Variants in GRM6 observed in about 807,000 individuals in gnomAD.
The protein encoded by GRM6 is glutamate metabotropic receptor 6, also known as metabotropic glutamate receptor 6.
In GRM6, 73 loss-of-function variants were observed where a neutral mutation model predicts 78.4. The observed-to-expected ratio is 0.93, with a 90% CI of 0.77 to 1.13. The LOEUF (loss-of-function observed/expected upper bound fraction) is 1.13. Ranked by LOEUF, GRM6 falls within the 50% of genes most tolerant of loss-of-function variation. GRM6 has a pLI of 0.00. For synonymous variants in GRM6, 580 were observed against 555.0 expected (o/e 1.05, Z -0.63); for missense variants, 1,251 against 1,256.4 (o/e 1.00, Z 0.07).
Position 178,989,114 on chromosome 5 carries a change from T to G in GRM6, c.1175A>C (p.Asp392Ala). 6.2e-7 allele frequency: 1 copy of G among 1,613,732 alleles called. No individual in the cohort carries two copies. Among genetic ancestry groups the G allele is most frequent in the Non-Finnish European group, 8.5e-7 (1 of 1,179,912 alleles). Residue 392 changes from aspartate (D) to alanine (A), a missense_variant, in exon 7 of 11, where the codon GAC becomes GCC. Coordinates refer to ENST00000517717, the MANE Select transcript of GRM6 (RefSeq NM_000843.4). The part of the protein sequence containing the change: ...KCTGEERIGR[D>A]STYEQEGKVQ... ...CTTGCCCTCCTGCTCGTAGGTGGAG[T>G]CCCGGCCGATGCGTTCCTCGCCTGT...
intron 9 of GRM6, chr5:178,985,144 C>T (rs1270786501): frequency 7.9e-6 from 3 of 378,438 alleles, no homozygotes; most frequent in African/African-American, 2.1e-5. Flanking sequence ...CACACTGCCC[C>T]AGGGAGCAGG....
intron 4 of GRM6, 33 bp from the exon 5 acceptor site, chr5:178,990,779 C>A: frequency 6.5e-7 from 1 of 1,538,518 alleles, no homozygotes; most frequent in Non-Finnish European, 8.8e-7. Flanking sequence ...GAGGGAGGGC[C>A]TGGGAGCCTC....
In GRM6 at chr5:178,994,959, G is replaced by C; in HGVS notation, c.-15C>G. On this transcript the variant is annotated splice_region_variant and 5_prime_UTR_variant, in exon 2 of 11. Coordinates refer to ENST00000517717, the MANE Select transcript of GRM6 (RefSeq NM_000843.4). ...GGCCGCGCCATCGGCTCGTCTAGCG[G>C]GCTGCGGGGAGACAGAGGGGCGGGG... The C allele has an allele frequency of 2.3e-5, 27 of 1,163,776 alleles. No individual in the cohort carries two copies. Among genetic ancestry groups the C allele is most frequent in the Non-Finnish European group, 2.9e-5 (27 of 943,718 alleles). 72.1% of individuals were successfully genotyped at this position (1,163,776 alleles called of 1,614,324 possible). A position where few individuals can be genotyped will look rare whatever the true frequency, so the allele number is the denominator to read the frequency against.
chr5:178,988,037 G>A lies in GRM6; in HGVS notation c.1354+898C>T, dbSNP rs1400522115. Among the ~76,000 whole-genome samples, 3 of 152,148 alleles carry A rather than the reference G, an allele frequency of 2.0e-5. No individual in the cohort carries two copies. The highest frequency in any genetic ancestry group is 7.2e-5 in the African/African-American group (3 of 41,432). On this transcript the variant is annotated intron_variant, in intron 7 of 10. Transcript: ENST00000517717. The surrounding 1 kb of genome is among the most constrained non-coding windows in gnomAD (Gnocchi z 6.0). The stretch of plus-strand genomic sequence containing the variant: ...GGCCTCCCAAAGTGCTCAGATTACA[G>A]GAGTGAGCCATTGCGCCCAGACTGA...
At position 178,992,094 on chromosome 5, in the gene GRM6, G is replaced by A. The variant is rs556398229; in HGVS notation, c.505-11C>T. On this transcript the variant is annotated splice_polypyrimidine_tract_variant and intron_variant, in intron 2 of 10. Coordinates refer to ENST00000517717, the MANE Select transcript of GRM6 (RefSeq NM_000843.4). The surrounding 1 kb of genome is among the most constrained non-coding windows in gnomAD (Gnocchi z 4.9). ...GCTGATCTGGGGTATCTGTGGGGCA[G>A]GAAGGACAGCTGGGCTGTGGATGGA... The A allele has an allele frequency of 6.2e-7, 1 of 1,601,968 alleles. No homozygotes were observed. Among genetic ancestry groups the A allele is most frequent in the South Asian group, 1.1e-5 (1 of 90,802 alleles).
chr5:178,994,642 C>G lies in GRM6; in HGVS notation c.303G>C (p.Arg101=), dbSNP rs1760740244. The change falls in exon 2 of 11, where the codon CGG becomes CGC. Residue 101 remains arginine (R), a synonymous_variant. Coordinates refer to ENST00000517717, the MANE Select transcript of GRM6 (RefSeq NM_000843.4). ...LGARLLDTCS[R]DTYALEQALS... ...GCGCCTGCTCCAGCGCGTAGGTGTC[C>G]CGCGAGCAGGTGTCCAGCAGCCGCG... 4.1e-6 allele frequency: 6 copies of G among 1,461,290 alleles called. No homozygotes were observed. The highest frequency in any genetic ancestry group is 5.4e-6 in the Non-Finnish European group (6 of 1,109,414). 90.5% of individuals were successfully genotyped at this position (1,461,290 alleles called of 1,614,324 possible).
intron 9 of GRM6, among the ~76,000 whole-genome samples, chr5:178,983,720 G>T (rs1760453667): frequency 6.6e-6 from 1 of 152,224 alleles, no homozygotes; most frequent in South Asian, 2.1e-4. Context: ...AGGAATGGGA[G>T]CTGATGCCGA....
rs768797742 is a variant in GRM6, at chr5:178,991,787, A to G, written c.721+80T>C. ...GGCCCAGCATGGACCTGGGCCCCCC[A>G]TCTTTCTGCTTCTGCCCCAACTGAG... On this transcript the variant is annotated intron_variant, in intron 3 of 10. Transcript: ENST00000517717. This position sits in a 1 kb window ranked among gnomAD's most constrained non-coding sequence, Gnocchi z 5.0. 2 of 1,292,900 alleles carry G rather than the reference A, an allele frequency of 1.5e-6. No individual in the cohort carries two copies. Among genetic ancestry groups the G allele is most frequent in the East Asian group, 2.4e-5 (1 of 41,260 alleles). 80.1% of individuals were successfully genotyped at this position (1,292,900 alleles called of 1,614,324 possible). A position where few individuals can be genotyped will look rare whatever the true frequency, so the allele number is the denominator to read the frequency against.
rs1179169293 is a variant in GRM6, at chr5:178,992,115, A to G, written c.505-32T>C. Reference sequence around the variant, plus strand: ...GGCAGGAAGGACAGCTGGGCTGTGGATGGAGGTCAGTAACTCAAGAGAGGG... The same window carrying G: ...GGCAGGAAGGACAGCTGGGCTGTGGGTGGAGGTCAGTAACTCAAGAGAGGG... On this transcript the variant is annotated intron_variant, in intron 2 of 10. Coordinates refer to ENST00000517717, the MANE Select transcript of GRM6 (RefSeq NM_000843.4). This position sits in a 1 kb window ranked among gnomAD's most constrained non-coding sequence, Gnocchi z 4.9. 6.6e-7 allele frequency: 1 copy of G among 1,504,134 alleles called. No homozygotes were observed. Among genetic ancestry groups the G allele is most frequent in the Non-Finnish European group, 9.2e-7 (1 of 1,082,582 alleles). The allele number at this position is 1,504,134 out of a possible 1,614,324, so 93.2% of individuals were successfully genotyped here. A position where few individuals can be genotyped will look rare whatever the true frequency, so the allele number is the denominator to read the frequency against.
At position 178,992,385 on chromosome 5, in the gene GRM6, C is replaced by A; in HGVS notation, c.505-302G>T. ...CACATATACTGGTACAAGCTGTGTC[C>A]TGAACAAGGACCCCCAGCAGAGGGC... On this transcript the variant is annotated intron_variant, in intron 2 of 10. Transcript: ENST00000517717. The surrounding 1 kb of genome is among the most constrained non-coding windows in gnomAD (Gnocchi z 4.9). 2.5e-6 allele frequency: 1 copy of A among 397,200 alleles called. No individual in the cohort carries two copies. Among genetic ancestry groups the A allele is most frequent in the Admixed American group, 3.3e-5 (1 of 30,114 alleles). 24.6% of individuals were successfully genotyped at this position (397,200 alleles called of 1,614,324 possible). A position where few individuals can be genotyped will look rare whatever the true frequency, so the allele number is the denominator to read the frequency against.
chr5:178,983,180 G>C lies in GRM6; in HGVS notation c.2166C>G (p.His722Gln). 1 of 1,613,484 alleles carries C rather than the reference G, an allele frequency of 6.2e-7. No homozygotes were observed. Among genetic ancestry groups the C allele is most frequent in the Non-Finnish European group, 8.5e-7 (1 of 1,179,856 alleles). The change falls in exon 10 of 11, where the codon CAC (histidine) becomes CAG (glutamine). Residue 722 changes from histidine to glutamine, a missense_variant. Transcript: ENST00000517717. ...GCTGTTCCTCATAGTCAATCACGCT[G>C]TGTGGGGGCCGGGCCCCCAGCCATG... ...MIAWLGARPP[H>Q]SVIDYEEQRT...
intron 9 of GRM6, chr5:178,985,618 G>A (rs754632386): frequency 6.1e-5 from 22 of 363,258 alleles, no homozygotes; most frequent in Middle Eastern, 5.3e-4. Context: ...CAGGAGAATG[G>A]CGTGAACCCG....
chr5:178,989,223 C>CAA, intron 6 of GRM6, 42 bp downstream of exon 6: 18 of 1,134,310 alleles, frequency 1.6e-5, no homozygotes, highest in Non-Finnish European at 2.4e-5. Flanking sequence ...CCTCACCACC[C>CAA]TCCCCACCCT....
rs1237461749 is a variant in GRM6 at position 178,994,812 on chromosome 5, ACAGGCCGCCCAGCGT to A, written c.118_132del (p.Thr40_Leu44del). 2.3e-5 allele frequency: 29 copies of A among 1,274,676 alleles called. No individual in the cohort carries two copies. The highest frequency in any genetic ancestry group is 4.6e-5 in the South Asian group (2 of 43,738). 79.0% of individuals were successfully genotyped at this position (1,274,676 alleles called of 1,614,324 possible). On this transcript the variant is annotated inframe_deletion, in exon 2 of 11. Coordinates refer to ENST00000517717, the MANE Select transcript of GRM6 (RefSeq NM_000843.4). ...GCCGCGCCCCGCGCGTGCACCGGGA[ACAGGCCGCCCAGCGT>A]CAGGCCGCCCGCCAGGCGCACAGAG... is the stretch of plus-strand genomic sequence containing the variant.
chr5:178,988,943 C>T lies in GRM6; in HGVS notation c.1346G>A (p.Arg449His), dbSNP rs369861368. ...GGCAGGCACCCACTCACCATTGAAGCGGACAGCTCGAATGTACTGCAGAAG... is the reference window on the plus strand; with the variant it reads ...GGCAGGCACCCACTCACCATTGAAGTGGACAGCTCGAATGTACTGCAGAAG... ...RMLLQYIRAV[R>H]FNGSAGTPVM... is the part of the protein sequence containing the mutation. Residue 449 changes from arginine (R) to histidine (H), a missense_variant, in exon 7 of 11, where the codon CGC becomes CAC. Physicochemically the swap from Arg to His is conservative, Grantham distance 29. Coordinates refer to ENST00000517717, the MANE Select transcript of GRM6 (RefSeq NM_000843.4). This position sits in a 1 kb window ranked among gnomAD's most constrained non-coding sequence, Gnocchi z 6.0. 28 of 1,612,446 alleles carry T rather than the reference C, an allele frequency of 1.7e-5. No individual in the cohort carries two copies. The highest frequency in any genetic ancestry group is 1.6e-4 in the African/African-American group (12 of 75,000).
chr5:178,994,257 G>A (rs1760732533), intron 2 of GRM6, among the ~76,000 whole-genome samples, 184 bp downstream of exon 2: 1 of 152,218 alleles, frequency 6.6e-6, no homozygotes, highest in Non-Finnish European at 1.5e-5. Flanking sequence ...CGGCTGGAGT[G>A]TTTGGGTGGA....
chr5:178,983,657 A>C, intron 9 of GRM6: 1 of 332,204 alleles, frequency 3.0e-6, no homozygotes, highest in Non-Finnish European at 6.0e-6. Context: ...GAGCTTCAAA[A>C]TCAGGGCACG....
Position 178,978,944 on chromosome 5 carries a change from C to T in GRM6, c.*2713G>A, listed in dbSNP as rs1233688668. 6.6e-6 allele frequency: 1 copy of T among 152,176 alleles called. No homozygotes were observed. The highest frequency in any genetic ancestry group is 1.5e-5 in the Non-Finnish European group (1 of 68,040). 9.4% of individuals were successfully genotyped at this position (152,176 alleles called of 1,614,324 possible). A position where few individuals can be genotyped will look rare whatever the true frequency, so the allele number is the denominator to read the frequency against. ...ATCTTTAGGGAGCTGTCAACCTCCA[C>T]TGAACACCACAGAAATGATCAAAGA... On this transcript the variant is annotated 3_prime_UTR_variant, in exon 11 of 11. Transcript: ENST00000517717.
intron 9 of GRM6, chr5:178,985,360 G>T: frequency 4.8e-6 from 2 of 415,776 alleles, no homozygotes; most frequent in South Asian, 3.4e-5. Context: ...GGCCCTAACT[G>T]AGCTGCTGTC....
Sources: gnomAD v4.1 joint callset for allele counts (sites outside exome capture counted in the v4.1 genomes callset) on GRCh38, gnomAD v4.1.1 for gene constraint, Gnocchi (gnomAD v3.1) non-coding constraint, MANE v1.5 for transcripts, NCBI Gene and HGNC (gene_info 2026-07-23, HGNC 2026-07-21) for gene names.